Variants in EYS observed in about 807,000 individuals in gnomAD.
EYS encodes the protein protein eyes shut homolog.
In EYS, 250 loss-of-function variants were observed where a neutral mutation model predicts 282.1. The observed-to-expected ratio is 0.89, with a 90% confidence interval of 0.80 to 0.98. The LOEUF is 0.98. EYS is among the 50% of genes least tolerant of loss of function. EYS has a pLI of 0.00. For synonymous variants in EYS, 1,355 were observed against 1,282.9 expected (o/e 1.06, Z -1.20); for missense variants, 4,016 against 3,709.0 (o/e 1.08, Z -2.15).
At chr6:65,343,672 G>T (rs1356512110) in intron 10 of EYS, among the ~76,000 whole-genome samples, 1 of 150,848 alleles carries the variant, frequency 6.6e-6, no homozygotes, top group East Asian at 2.0e-4. Flanking sequence ...ATCTCTCAGA[G>T]ATTTAAACAT....
At chr6:63,891,124 A>T (rs1773395810) in intron 35 of EYS, among the ~76,000 whole-genome samples, 1 of 152,208 alleles carries the variant, frequency 6.6e-6, no homozygotes, top group Non-Finnish European at 1.5e-5. Flanking sequence ...AGTACCCAGG[A>T]CCAGACAAAT....
intron 1 of EYS, among the ~76,000 whole-genome samples, chr6:65,671,847 G>C (rs1768399527): frequency 6.6e-6 from 1 of 152,098 alleles, no homozygotes; most frequent in Non-Finnish European, 1.5e-5. Context: ...TGGAACATAT[G>C]TCTAATGTTC....
chr6:65,471,859 T>A (rs1485347873), intron 5 of EYS, among the ~76,000 whole-genome samples: 1 of 152,112 alleles, frequency 6.6e-6, no homozygotes, highest in Admixed American at 6.6e-5. Context: ...CTATATTTCA[T>A]AATATTTTTC....
intron 22 of EYS, among the ~76,000 whole-genome samples, chr6:64,776,797 A>T (rs1773691467): frequency 6.6e-6 from 1 of 151,922 alleles, no homozygotes; most frequent in Non-Finnish European, 1.5e-5. Context: ...CTTGCTGAAA[A>T]TTTTTCCTAT....
intron 12 of EYS, among the ~76,000 whole-genome samples, chr6:65,229,290 A>G (rs1465417004): frequency 1.3e-5 from 2 of 151,912 alleles, no homozygotes; most frequent in African/African-American, 2.4e-5. Flanking sequence ...AAAAGAAAAA[A>G]AGGAAGCAGG....
intron 22 of EYS, among the ~76,000 whole-genome samples, chr6:64,788,769 C>T (rs1774096381): frequency 2.0e-5 from 3 of 152,182 alleles, no homozygotes; most frequent in Admixed American, 6.5e-5. Context: ...AACTAAATTA[C>T]AAATGGGCAT....
intron 29 of EYS, among the ~76,000 whole-genome samples, chr6:64,369,569 T>C (rs1360333396): frequency 6.6e-6 from 1 of 152,144 alleles, no homozygotes; most frequent in African/African-American, 2.4e-5. Flanking sequence ...TTTGTTTCTG[T>C]CATCCTTGGT....
chr6:64,429,173 T>C lies in EYS; in HGVS notation c.5927+7001A>G, dbSNP rs138499279. 8.7e-3 allele frequency among the ~76,000 whole-genome samples: 1,320 copies of C among 152,276 alleles called. 27 individuals carry two copies. Among genetic ancestry groups the C allele is most frequent in the African/African-American group, 0.029 (1,209 of 41,554 alleles). The stretch of plus-strand genomic sequence containing the variant: ...CTGATTTGACTAACAGTATTAATAA[T>C]AGCAGTATATTTTGTTAGATTAATT... On this transcript the variant is annotated intron_variant, in intron 28 of 42. Transcript: ENST00000503581.
intron 22 of EYS, among the ~76,000 whole-genome samples, chr6:64,631,865 ATATTT>A: frequency 2.0e-5 from 3 of 152,186 alleles, no homozygotes; most frequent in Middle Eastern, 6.8e-3. Context: ...GAGATGGATA[ATATTT>A]TAATTTAAAT....
At chr6:65,383,035 A>G (rs1024115808) in intron 8 of EYS, among the ~76,000 whole-genome samples, 1 of 152,070 alleles carries the variant, frequency 6.6e-6, no homozygotes, top group African/African-American at 2.4e-5. Context: ...TCAGGTTGGT[A>G]AAATCCTTCA....
intron 35 of EYS, among the ~76,000 whole-genome samples, chr6:63,894,704 C>T (rs1442445899): frequency 6.6e-6 from 1 of 151,988 alleles, no homozygotes; most frequent in East Asian, 1.9e-4. Flanking sequence ...GCCTCAGCCT[C>T]CCATGTAGCT....
At chr6:63,852,370 G>T (rs1009729970) in intron 36 of EYS, among the ~76,000 whole-genome samples, 8 of 151,938 alleles carry the variant, frequency 5.3e-5, no homozygotes, top group African/African-American at 1.9e-4. Context: ...AAATAAACTA[G>T]AAAATCTTTA....
At chr6:64,682,793 C>A (rs1769945846) in intron 22 of EYS, among the ~76,000 whole-genome samples, 2 of 152,054 alleles carry the variant, frequency 1.3e-5, no homozygotes, top group African/African-American at 2.4e-5. Flanking sequence ...TTTTCCTGTT[C>A]TAAAGAACCT....
intron 12 of EYS, among the ~76,000 whole-genome samples, chr6:65,183,810 A>G (rs1031958200): frequency 3.3e-5 from 5 of 151,848 alleles, no homozygotes; most frequent in Admixed American, 2.0e-4. Context: ...TAGGGAAAAA[A>G]AGTGTAGTTG....
chr6:64,081,368 G>T (rs951499075), intron 32 of EYS, among the ~76,000 whole-genome samples: 1 of 151,954 alleles, frequency 6.6e-6, no homozygotes, highest in Non-Finnish European at 1.5e-5. Context: ...TGGATGTAAA[G>T]ACATTTCCTT....
chr6:64,066,048 G>A (rs1056370732), intron 33 of EYS, among the ~76,000 whole-genome samples: 3 of 152,210 alleles, frequency 2.0e-5, no homozygotes, highest in Non-Finnish European at 2.9e-5. Context: ...TGAATCATGA[G>A]GTCAGGAGTT....
intron 35 of EYS, among the ~76,000 whole-genome samples, chr6:63,968,778 A>C (rs1766422160): frequency 6.6e-6 from 1 of 152,182 alleles, no homozygotes; most frequent in Non-Finnish European, 1.5e-5. Context: ...GATGATGTTC[A>C]CCACTATTAA....
chr6:64,860,203 T>C (rs1766191591), intron 19 of EYS, among the ~76,000 whole-genome samples: 1 of 152,230 alleles, frequency 6.6e-6, no homozygotes, highest in Admixed American at 6.5e-5. Flanking sequence ...CTAATCCAAG[T>C]GCTATGGAAT....
chr6:65,706,309 A>T (rs1187542564), intron 1 of EYS, among the ~76,000 whole-genome samples: 1 of 151,964 alleles, frequency 6.6e-6, no homozygotes, highest in African/African-American at 2.4e-5. Context: ...TTAATATTGT[A>T]TACTAAGTAA....
Sources: gnomAD v4.1 joint callset for allele counts (sites outside exome capture counted in the v4.1 genomes callset) on GRCh38, gnomAD v4.1.1 for gene constraint, MANE v1.5 for transcripts, NCBI Gene and HGNC (gene_info 2026-07-23, HGNC 2026-07-21) for gene names.